Variants in FAM168A observed in about 807,000 individuals in gnomAD.
The protein encoded by FAM168A is family with sequence similarity 168 member A.
A neutral mutation model predicts 28.5 loss-of-function variants in FAM168A; 3 were observed. The observed-to-expected ratio is 0.11, with a 90% CI of 0.05 to 0.27. FAM168A has a LOEUF of 0.27. Ranked by LOEUF, FAM168A falls within the 10% of genes least tolerant of loss-of-function variation. FAM168A has a pLI of 1.00. For missense variants in FAM168A, 222 were observed against 311.5 expected (o/e 0.71, Z 2.16); for synonymous variants, 122 against 124.2 (o/e 0.98, Z 0.12).
intron 3 of FAM168A, among the ~76,000 whole-genome samples, chr11:73,422,214 T>G (rs1307737160): frequency 6.6e-6 from 1 of 152,212 alleles, no homozygotes; most frequent in East Asian, 1.9e-4. Flanking sequence ...TGTTCCAGGT[T>G]AACCAGGAAA....
At chr11:73,425,269 G>C (rs1866868075) in intron 3 of FAM168A, among the ~76,000 whole-genome samples, 1 of 152,198 alleles carries the variant, frequency 6.6e-6, no homozygotes, top group South Asian at 2.1e-4. Flanking sequence ...GGATGCCATA[G>C]TGTCTTCCAG....
chr11:73,425,673 T>C (rs1001911803), intron 3 of FAM168A, among the ~76,000 whole-genome samples: 2 of 152,244 alleles, frequency 1.3e-5, no homozygotes, highest in African/African-American at 4.8e-5. Flanking sequence ...CTCCGGCTCC[T>C]GGGCTCAAGT....
At chr11:73,529,314 C>T (rs1483416121) in intron 1 of FAM168A, among the ~76,000 whole-genome samples, 1 of 152,206 alleles carries the variant, frequency 6.6e-6, no homozygotes, top group African/African-American at 2.4e-5. Flanking sequence ...CTAGCTTTGC[C>T]TCTTACTTTC....
intron 2 of FAM168A, among the ~76,000 whole-genome samples, chr11:73,464,540 G>C (rs1013061893): frequency 6.6e-6 from 1 of 152,180 alleles, no homozygotes; most frequent in Non-Finnish European, 1.5e-5. Flanking sequence ...GAGTGGGCTA[G>C]CAGAGGAATG....
At chr11:73,539,927 A>T (rs547270973) in intron 1 of FAM168A, among the ~76,000 whole-genome samples, 17 of 152,220 alleles carry the variant, frequency 1.1e-4, no homozygotes, top group Non-Finnish European at 2.4e-4. Flanking sequence ...CCTGACAGGG[A>T]AGCACCAGAG....
chr11:73,464,001 T>C (rs779511049), intron 2 of FAM168A, among the ~76,000 whole-genome samples: 1 of 152,034 alleles, frequency 6.6e-6, no homozygotes, highest in Admixed American at 6.6e-5. Flanking sequence ...TTTCAGAAAT[T>C]AAAATCCATT....
chr11:73,580,353 C>A, intron 1 of FAM168A: 2 of 593,218 alleles, frequency 3.4e-6, no homozygotes, highest in South Asian at 2.7e-5. Context: ...ACCTGCTCCT[C>A]CAAAGATAGA....
At chr11:73,420,545 A>G (rs1034320089) in intron 3 of FAM168A, among the ~76,000 whole-genome samples, 2 of 152,266 alleles carry the variant, frequency 1.3e-5, no homozygotes, top group Admixed American at 6.5e-5. Flanking sequence ...GGCACTGGGC[A>G]CTGTGCCACA....
chr11:73,436,725 G>A (rs1317960109), intron 2 of FAM168A, among the ~76,000 whole-genome samples: 1 of 152,186 alleles, frequency 6.6e-6, no homozygotes, highest in Non-Finnish European at 1.5e-5. Flanking sequence ...AATAAGTAGA[G>A]AGTGGAGACA....
At chr11:73,473,050 C>T (rs950382386) in intron 1 of FAM168A, among the ~76,000 whole-genome samples, 1 of 152,084 alleles carries the variant, frequency 6.6e-6, no homozygotes, top group Non-Finnish European at 1.5e-5. Flanking sequence ...ATAAATACTA[C>T]CCCTACTACC....
At chr11:73,474,950 G>A (rs1867867247) in intron 1 of FAM168A, among the ~76,000 whole-genome samples, 1 of 152,132 alleles carries the variant, frequency 6.6e-6, no homozygotes, top group Admixed American at 6.6e-5. Flanking sequence ...CTCATCTTGG[G>A]CAAAATAGGC....
intron 1 of FAM168A, among the ~76,000 whole-genome samples, chr11:73,505,409 G>C (rs1383596758): frequency 6.6e-6 from 1 of 152,080 alleles, no homozygotes; most frequent in Non-Finnish European, 1.5e-5. Flanking sequence ...GGGTTTTTAT[G>C]AGGATTAAAT....
rs945364635 is a variant in FAM168A at position 73,566,493 on chromosome 11, A to G, written c.-19+31430T>C. Among the ~76,000 whole-genome samples, 5 of 152,340 alleles carry G rather than the reference A, an allele frequency of 3.3e-5. No individual in the cohort carries two copies. In the East Asian group the frequency reaches 7.7e-4, roughly 23 times the overall value. On this transcript the variant is annotated intron_variant, in intron 1 of 7. Transcript: ENST00000356467. ...AAGCACACCCCCAAAATCCACATGG[A>G]AAGACAATTAAGCATCCATTTGTTG...
chr11:73,562,961 A>C (rs1943976253), intron 1 of FAM168A, among the ~76,000 whole-genome samples: 1 of 152,222 alleles, frequency 6.6e-6, no homozygotes, highest in South Asian at 2.1e-4. Flanking sequence ...CATTCACTGT[A>C]ATATTCAATG....
intron 2 of FAM168A, among the ~76,000 whole-genome samples, chr11:73,441,337 G>A (rs1160057247): frequency 6.6e-6 from 1 of 152,120 alleles, no homozygotes; most frequent in African/African-American, 2.4e-5. Flanking sequence ...GATTACAGGC[G>A]TGAGCCACCA....
At chr11:73,545,528 T>C (rs1184381525) in intron 1 of FAM168A, among the ~76,000 whole-genome samples, 3 of 152,058 alleles carry the variant, frequency 2.0e-5, no homozygotes, top group Non-Finnish European at 4.4e-5. Flanking sequence ...GTAATGATTA[T>C]GCAACTCTAT....
At chr11:73,582,718 G>A (rs1465404086) in intron 1 of FAM168A, among the ~76,000 whole-genome samples, 1 of 152,116 alleles carries the variant, frequency 6.6e-6, no homozygotes, top group African/African-American at 2.4e-5. Flanking sequence ...TTAATAAAGA[G>A]GAAACTTTGA....
chr11:73,498,875 T>C (rs1200605885), intron 1 of FAM168A, among the ~76,000 whole-genome samples: 4 of 152,218 alleles, frequency 2.6e-5, no homozygotes, highest in African/African-American at 4.8e-5. Flanking sequence ...TCCCTGGACC[T>C]GAGCCCCTAG....
At chr11:73,549,402 A>C (rs1943799220) in intron 1 of FAM168A, among the ~76,000 whole-genome samples, 1 of 152,220 alleles carries the variant, frequency 6.6e-6, no homozygotes, top group Admixed American at 6.5e-5. Context: ...AAAGTAAAAA[A>C]ATTTAAAATT....
Sources: allele counts gnomAD v4.1 joint callset (sites outside exome capture counted in the v4.1 genomes callset), GRCh38; gene constraint gnomAD v4.1.1; transcripts MANE v1.5; gene names NCBI Gene and HGNC (gene_info 2026-07-23, HGNC 2026-07-21).